SMOC2: variants seen among roughly 807,000 people sequenced by gnomAD.
SMOC2 encodes SPARC-related modular calcium-binding protein 2.
In SMOC2, 39 loss-of-function variants were observed where a neutral mutation model predicts 61.4. The observed-to-expected ratio is 0.64, with a 90% CI of 0.49 to 0.83. SMOC2 has a LOEUF of 0.83. Ranked by LOEUF, SMOC2 falls within the 40% of genes least tolerant of loss-of-function variation. The pLI, the probability that SMOC2 is intolerant of heterozygous loss-of-function variation, is 0.00. For missense variants in SMOC2, 556 were observed against 592.9 expected (o/e 0.94, Z 0.65); for synonymous variants, 247 against 239.9 (o/e 1.03, Z -0.27).
intron 1 of SMOC2, among the ~76,000 whole-genome samples, chr6:168,467,668 G>A (rs776763608): frequency 3.3e-5 from 5 of 151,582 alleles, no homozygotes; most frequent in South Asian, 2.1e-4. Flanking sequence ...TTGCCCAGGC[G>A]GATCTCAAAC....
intron 1 of SMOC2, among the ~76,000 whole-genome samples, chr6:168,508,632 C>T (rs965771570): frequency 6.6e-6 from 1 of 152,224 alleles, no homozygotes; most frequent in Non-Finnish European, 1.5e-5. Flanking sequence ...TTTTTCCTCT[C>T]TTACTGGTAA....
Position 168,564,843 on chromosome 6 carries a change from A to G in SMOC2, c.637+15640A>G, listed in dbSNP as rs1020855059. ...CAGCGGGTCTCACTGCTGTGCAAAC[A>G]ATGCACTCTGATGCATTCTGCTGAC... On this transcript the variant is annotated intron_variant, in intron 7 of 12. Coordinates refer to ENST00000356284, the MANE Select transcript of SMOC2 (RefSeq NM_001166412.2). Among the ~76,000 whole-genome samples, 4 of 152,194 alleles carry G rather than the reference A, an allele frequency of 2.6e-5. No individual in the cohort carries two copies. In the South Asian group the frequency reaches 8.3e-4, roughly 32 times the overall value.
chr6:168,477,908 C>T (rs774910665), intron 1 of SMOC2, among the ~76,000 whole-genome samples: 6 of 152,294 alleles, frequency 3.9e-5, no homozygotes, highest in South Asian at 2.1e-4. Context: ...ATTCTTCTTA[C>T]GACCCAGTGA....
chr6:168,500,606 C>T (rs529820347), intron 1 of SMOC2, among the ~76,000 whole-genome samples: 146 of 152,226 alleles, frequency 9.6e-4, no homozygotes, highest in South Asian at 1.2e-3. Context: ...CGGGTGGCTA[C>T]GCGAATGTGG....
chr6:168,569,112 A>G (rs1000814366), intron 7 of SMOC2, among the ~76,000 whole-genome samples: 3 of 152,256 alleles, frequency 2.0e-5, no homozygotes, highest in Non-Finnish European at 4.4e-5. Flanking sequence ...GTGTGTCTTC[A>G]TAAGAAACTG....
chr6:168,662,627 G>T (rs186391604), intron 11 of SMOC2, among the ~76,000 whole-genome samples: 178 of 152,348 alleles, frequency 1.2e-3, no homozygotes, highest in African/African-American at 4.1e-3. Context: ...TGGGTGGAAT[G>T]TTTTAGAGGA....
At chr6:168,499,633 C>T (rs547531343) in intron 1 of SMOC2, among the ~76,000 whole-genome samples, 7 of 152,166 alleles carry the variant, frequency 4.6e-5, no homozygotes, top group East Asian at 1.9e-4. Context: ...TTGTCTTCTA[C>T]GTGTGAAGGA....
chr6:168,468,659 C>G (rs948645010), intron 1 of SMOC2, among the ~76,000 whole-genome samples: 1 of 152,152 alleles, frequency 6.6e-6, no homozygotes, highest in African/African-American at 2.4e-5. Context: ...CTCAGCCTCC[C>G]GAGTAGCTGG....
At chr6:168,516,636 C>T (rs9688997) in intron 2 of SMOC2, among the ~76,000 whole-genome samples, 3,748 of 152,216 alleles carry the variant, frequency 0.025, 113 homozygotes, top group African/African-American at 0.068. Context: ...ACACATGAGG[C>T]CCACGGTGCA....
At chr6:168,480,742 A>G (rs1782186715) in intron 1 of SMOC2, among the ~76,000 whole-genome samples, 1 of 152,176 alleles carries the variant, frequency 6.6e-6, no homozygotes, top group Non-Finnish European at 1.5e-5. Flanking sequence ...AAGAAGCTCA[A>G]TGTACTCTAA....
At chr6:168,442,316 T>C (rs9355217) in intron 1 of SMOC2, among the ~76,000 whole-genome samples, 6,303 of 152,302 alleles carry the variant, frequency 0.041, 516 homozygotes, top group East Asian at 0.3. Context: ...GCGACAGCCT[T>C]GGCCCGGCCA....
intron 1 of SMOC2, among the ~76,000 whole-genome samples, chr6:168,474,247 G>A (rs1022445764): frequency 6.6e-6 from 1 of 152,130 alleles, no homozygotes; most frequent in Non-Finnish European, 1.5e-5. Flanking sequence ...CCAATACTGA[G>A]CATCTGCTCT....
intron 7 of SMOC2, among the ~76,000 whole-genome samples, chr6:168,580,268 C>T (rs745421514): frequency 7.9e-5 from 12 of 152,198 alleles, no homozygotes; most frequent in Non-Finnish European, 2.9e-5. Context: ...ACTGGATCCA[C>T]GCATTTTATC....
intron 10 of SMOC2, among the ~76,000 whole-genome samples, chr6:168,651,410 C>T (rs1043716023): frequency 6.6e-6 from 1 of 152,108 alleles, no homozygotes; most frequent in Non-Finnish European, 1.5e-5. Flanking sequence ...TCTTTTCCAC[C>T]CTCTGTAGAT....
intron 7 of SMOC2, among the ~76,000 whole-genome samples, chr6:168,592,493 C>G (rs1362320849): frequency 1.2e-5 from 1 of 81,000 alleles, no homozygotes; most frequent in Non-Finnish European, 2.6e-5. Context: ...TCTAGAGGAT[C>G]GCGGAGCTCC....
intron 7 of SMOC2, 103 bp from the exon 8 acceptor site, chr6:168,598,715 G>A: frequency 7.4e-7 from 1 of 1,345,762 alleles, no homozygotes; most frequent in Non-Finnish European, 1.0e-6. Context: ...GGGTGAAGGA[G>A]GACCACATCG....
At chr6:168,633,342 C>T (rs1018896908) in intron 9 of SMOC2, among the ~76,000 whole-genome samples, 2 of 152,096 alleles carry the variant, frequency 1.3e-5, no homozygotes, top group African/African-American at 2.4e-5. Context: ...GGACAAATCC[C>T]CAGAGCTCTA....
intron 7 of SMOC2, among the ~76,000 whole-genome samples, chr6:168,556,741 C>A (rs539564704): frequency 9.4e-6 from 1 of 106,494 alleles, no homozygotes; most frequent in African/African-American, 3.7e-5. Flanking sequence ...ATCCCTCCCC[C>A]CTCCCCCCAC....
At chr6:168,565,067 A>T (rs1020402318) in intron 7 of SMOC2, among the ~76,000 whole-genome samples, 5 of 152,214 alleles carry the variant, frequency 3.3e-5, no homozygotes, top group African/African-American at 1.2e-4. Context: ...GTATACCGAA[A>T]ATTATTCCTT....
Sources: gnomAD v4.1 joint callset for allele counts (sites outside exome capture counted in the v4.1 genomes callset) on GRCh38, gnomAD v4.1.1 for gene constraint, MANE v1.5 for transcripts, NCBI Gene and HGNC (gene_info 2026-07-23, HGNC 2026-07-21) for gene names.